DAP: variants seen among roughly 807,000 people sequenced by gnomAD.
DAP encodes death-associated protein 1.
A neutral mutation model predicts 13.8 loss-of-function variants in DAP; 8 were observed. The ratio of observed to expected loss-of-function variants is 0.58; its 90% confidence interval spans 0.34 to 1.05. The LOEUF is 1.05. Among genes scored for constraint, DAP ranks in the 50% least tolerant of loss-of-function variants. The probability of loss-of-function intolerance (pLI) is 0.03; values close to 1 mark genes in which losing one functional copy is unlikely to be tolerated. For synonymous variants in DAP, 47 were observed against 47.5 expected (o/e 0.99, Z 0.04); for missense variants, 106 against 133.2 (o/e 0.80, Z 1.01).
In DAP at chr5:10,679,697, C is replaced by T. The variant is rs564264294; in HGVS notation, c.*1359G>A. The T allele has an allele frequency of 2.6e-5, 4 of 152,574 alleles. No individual in the cohort carries two copies. The South Asian group carries it at 6.2e-4, about 24-fold the overall frequency. The allele number at this position is 152,574 out of a possible 1,614,324, so 9.5% of individuals were successfully genotyped here. On this transcript the variant is annotated 3_prime_UTR_variant, in exon 4 of 4. Coordinates refer to ENST00000230895, the MANE Select transcript of DAP (RefSeq NM_004394.3). ...GTTGATTAGATGGGAAACCAAACAC[C>T]GTCTTTCAAGTGTGAGGCTGTGCCA...
At chr5:10,749,292 G>A (rs1739986036) in intron 1 of DAP, among the ~76,000 whole-genome samples, 2 of 152,136 alleles carry the variant, frequency 1.3e-5, no homozygotes, top group Admixed American at 6.5e-5. Flanking sequence ...GTTTTTGTAT[G>A]GACATATGTT....
chr5:10,685,352 A>G (rs537744504), intron 2 of DAP, among the ~76,000 whole-genome samples: 1 of 151,740 alleles, frequency 6.6e-6, no homozygotes, highest in African/African-American at 2.4e-5. Context: ...GCTCAAGTTT[A>G]AAAGTCCCGC....
At chr5:10,711,999 G>A (rs1738865496) in intron 2 of DAP, among the ~76,000 whole-genome samples, 1 of 152,112 alleles carries the variant, frequency 6.6e-6, no homozygotes, top group Admixed American at 6.5e-5. Context: ...TTCCTATGTT[G>A]AAGTCCTAAC....
chr5:10,732,103 C>T (rs758995604), intron 2 of DAP, among the ~76,000 whole-genome samples: 119 of 152,232 alleles, frequency 7.8e-4, no homozygotes, highest in African/African-American at 2.1e-3. Flanking sequence ...AGTGAGCTTC[C>T]GCTTTCTCAG....
intron 3 of DAP, among the ~76,000 whole-genome samples, chr5:10,682,130 A>C (rs1248134361): frequency 7.4e-6 from 1 of 136,020 alleles, no homozygotes. Context: ...CCAGGCCAGC[A>C]CCCATCAGCG....
intron 2 of DAP, among the ~76,000 whole-genome samples, chr5:10,688,809 G>A (rs887131299): frequency 6.6e-6 from 1 of 151,686 alleles, no homozygotes; most frequent in African/African-American, 2.4e-5. Flanking sequence ...AGGACGCAGA[G>A]GCGCCATCCA....
At chr5:10,693,605 T>C (rs1375798431) in intron 2 of DAP, among the ~76,000 whole-genome samples, 1 of 152,236 alleles carries the variant, frequency 6.6e-6, no homozygotes, top group Non-Finnish European at 1.5e-5. Flanking sequence ...ACCAGTCATT[T>C]GCCCAAGGGT....
In DAP at chr5:10,687,125, T is replaced by G. The variant is rs144843953; in HGVS notation, c.153-3554A>C. ...TTACATCAAGGTTTACTGCTTATTT[T>G]AAGCCCACTGTTGAGACCTACTGCT... On this transcript the variant is annotated intron_variant, in intron 2 of 3. Transcript: ENST00000230895. Among the ~76,000 whole-genome samples, 793 of 152,350 alleles carry G rather than the reference T, an allele frequency of 5.2e-3. 6 individuals are homozygous for G. The highest frequency in any genetic ancestry group is 0.015 in the African/African-American group (644 of 41,568).
At chr5:10,710,609 C>T (rs1738824546) in intron 2 of DAP, among the ~76,000 whole-genome samples, 2 of 152,274 alleles carry the variant, frequency 1.3e-5, no homozygotes, top group Non-Finnish European at 1.5e-5. Flanking sequence ...GCACGAGGGT[C>T]CACACCAATG....
chr5:10,758,206 CT>C (rs201315835), intron 1 of DAP, among the ~76,000 whole-genome samples: 15,240 of 142,160 alleles, frequency 0.11, 914 homozygotes, highest in East Asian at 0.3. Context: ...AGTGGGCCGC[CT>C]TTTTTTTTTT....
chr5:10,725,078 T>C (rs1192220365), intron 2 of DAP, among the ~76,000 whole-genome samples: 1 of 152,246 alleles, frequency 6.6e-6, no homozygotes, highest in Non-Finnish European at 1.5e-5. Flanking sequence ...TTGGAATCCC[T>C]GGCAAAGTGA....
intron 2 of DAP, among the ~76,000 whole-genome samples, chr5:10,746,822 A>G (rs1018463541): frequency 6.6e-6 from 1 of 152,156 alleles, no homozygotes; most frequent in Non-Finnish European, 1.5e-5. Context: ...ACAATACTCA[A>G]TGGGGAAGGC....
At chr5:10,694,192 C>T (rs1447027688) in intron 2 of DAP, among the ~76,000 whole-genome samples, 1 of 152,138 alleles carries the variant, frequency 6.6e-6, no homozygotes, top group Admixed American at 6.5e-5. Flanking sequence ...CGATTCAGAA[C>T]CACGCAAAGG....
In DAP at chr5:10,708,325, C is replaced by T. The variant is rs576773533; in HGVS notation, c.153-24754G>A. On this transcript the variant is annotated intron_variant, in intron 2 of 3. Coordinates refer to ENST00000230895, the MANE Select transcript of DAP (RefSeq NM_004394.3). ...ACACATAGAGACACACAGACACAGA[C>T]ACACACATATACACACACAGATACA... Among the ~76,000 whole-genome samples, 5 of 151,538 alleles carry T rather than the reference C, an allele frequency of 3.3e-5. No individual in the cohort carries two copies. The South Asian group carries it at 1.0e-3, about 31-fold the overall frequency.
At chr5:10,698,725 C>G (rs556504458) in intron 2 of DAP, among the ~76,000 whole-genome samples, 17 of 152,200 alleles carry the variant, frequency 1.1e-4, no homozygotes, top group Middle Eastern at 3.4e-3. Context: ...GAGTGTCATT[C>G]TATCTATCAA....
At chr5:10,684,488 A>G (rs1259117562) in intron 2 of DAP, among the ~76,000 whole-genome samples, 1 of 152,236 alleles carries the variant, frequency 6.6e-6, no homozygotes, top group Non-Finnish European at 1.5e-5. Context: ...GTGAAAAAAC[A>G]GACAAGCCCA....
At chr5:10,727,948 T>C (rs146483491) in intron 2 of DAP, among the ~76,000 whole-genome samples, 124 of 152,344 alleles carry the variant, frequency 8.1e-4, no homozygotes, top group African/African-American at 2.7e-3. Context: ...TATCCTGTAT[T>C]GTTTGGGGAA....
intron 2 of DAP, among the ~76,000 whole-genome samples, chr5:10,704,795 T>C (rs1425721723): frequency 6.6e-6 from 1 of 152,076 alleles, no homozygotes; most frequent in Non-Finnish European, 1.5e-5. Flanking sequence ...CTGCGCAGTG[T>C]ACAGGGCCAG....
chr5:10,680,757 A>G lies in DAP; in HGVS notation c.*299T>C. The G allele has an allele frequency of 6.5e-7, 1 of 1,536,512 alleles. No individual in the cohort carries two copies. Among genetic ancestry groups the G allele is most frequent in the Non-Finnish European group, 8.7e-7 (1 of 1,146,970 alleles). ...AGACCATAGACAAGGACGTCAGGTGACTGCTGAAATAGAACTAAAGCTAAA... is the reference window on the plus strand; with the variant it reads ...AGACCATAGACAAGGACGTCAGGTGGCTGCTGAAATAGAACTAAAGCTAAA... On this transcript the variant is annotated 3_prime_UTR_variant, in exon 4 of 4. Coordinates refer to ENST00000230895, the MANE Select transcript of DAP (RefSeq NM_004394.3).
Sources: allele counts gnomAD v4.1 joint callset (sites outside exome capture counted in the v4.1 genomes callset), GRCh38; gene constraint gnomAD v4.1.1; transcripts MANE v1.5; gene names NCBI Gene and HGNC (gene_info 2026-07-23, HGNC 2026-07-21).